Variants in IQCM observed in about 807,000 individuals in gnomAD.
IQCM encodes IQ domain-containing protein M.
A neutral mutation model predicts 57.6 loss-of-function variants in IQCM; 45 were observed. The ratio of observed to expected loss-of-function variants is 0.78; its 90% CI spans 0.62 to 1.00. The LOEUF is 1.00. IQCM is among the 50% of genes least tolerant of loss of function. IQCM has a pLI of 0.00. For synonymous variants in IQCM, 148 were observed against 158.9 expected (o/e 0.93, Z 0.51); for missense variants, 468 against 511.6 (o/e 0.91, Z 0.82).
intron 13 of IQCM, among the ~76,000 whole-genome samples, chr4:149,416,416 G>A (rs1366434761): frequency 1.3e-5 from 2 of 152,108 alleles, no homozygotes; most frequent in Non-Finnish European, 2.9e-5. Flanking sequence ...TATTAGGTGA[G>A]TATTTTCTAT....
intron 2 of IQCM, among the ~76,000 whole-genome samples, chr4:149,760,622 T>G (rs1251421673): frequency 6.6e-6 from 1 of 152,060 alleles, no homozygotes; most frequent in Non-Finnish European, 1.5e-5. Flanking sequence ...TTTTATTTAA[T>G]TTTTATTAAA....
chr4:149,782,340 C>T (rs115137521), intron 2 of IQCM, among the ~76,000 whole-genome samples: 3,398 of 151,906 alleles, frequency 0.022, 65 homozygotes, highest in South Asian at 0.036. Context: ...AAGATTTTTC[C>T]CAAAATATTT....
chr4:149,376,795 A>G (rs574508478), intron 13 of IQCM, among the ~76,000 whole-genome samples: 3 of 152,308 alleles, frequency 2.0e-5, no homozygotes, highest in South Asian at 4.1e-4. Context: ...ATTGAGTCTG[A>G]TATGTACATA....
intron 5 of IQCM, among the ~76,000 whole-genome samples, chr4:149,705,402 A>T (rs566859243): frequency 4.0e-5 from 6 of 151,560 alleles, no homozygotes; most frequent in Admixed American, 4.0e-4. Flanking sequence ...AAAAGAAAAC[A>T]TAAGTCAAAA....
At chr4:149,663,468 G>A (rs1179026177) in intron 7 of IQCM, among the ~76,000 whole-genome samples, 2 of 152,008 alleles carry the variant, frequency 1.3e-5, no homozygotes, top group African/African-American at 4.8e-5. Flanking sequence ...AGCATTTCTT[G>A]TAAGGCTAGG....
intron 13 of IQCM, among the ~76,000 whole-genome samples, chr4:149,408,706 A>G (rs925762708): frequency 6.6e-6 from 1 of 152,192 alleles, no homozygotes; most frequent in African/African-American, 2.4e-5. Flanking sequence ...ATATTAGGTT[A>G]TAAAAGGTAA....
intron 2 of IQCM, among the ~76,000 whole-genome samples, chr4:149,776,325 T>C (rs560914210): frequency 8.2e-4 from 124 of 152,114 alleles, no homozygotes; most frequent in African/African-American, 2.8e-3. Context: ...CACAATACTA[T>C]CCCCACTTTT....
At chr4:149,542,820 T>C (rs1369047408) in intron 12 of IQCM, among the ~76,000 whole-genome samples, 1 of 152,138 alleles carries the variant, frequency 6.6e-6, no homozygotes, top group East Asian at 1.9e-4. Flanking sequence ...CCACATATTT[T>C]ACATAATTAT....
chr4:149,680,717 T>C (rs1420639294), intron 7 of IQCM, among the ~76,000 whole-genome samples: 1 of 151,442 alleles, frequency 6.6e-6, no homozygotes, highest in Non-Finnish European at 1.5e-5. Flanking sequence ...GGTAGAACCT[T>C]TAGCAAATTT....
At chr4:149,464,037 C>A (rs978103785) in intron 12 of IQCM, among the ~76,000 whole-genome samples, 1 of 152,146 alleles carries the variant, frequency 6.6e-6, no homozygotes. Context: ...GAGTAAACAG[C>A]ACATTTCTTT....
chr4:149,383,790 C>G (rs1382031938), intron 13 of IQCM, among the ~76,000 whole-genome samples: 4 of 151,950 alleles, frequency 2.6e-5, no homozygotes, highest in Non-Finnish European at 4.4e-5. Flanking sequence ...CACATCTCCA[C>G]TAAAAATAAA....
intron 8 of IQCM, among the ~76,000 whole-genome samples, chr4:149,593,598 A>T (rs938653561): frequency 1.3e-5 from 2 of 152,138 alleles, no homozygotes; most frequent in Non-Finnish European, 2.9e-5. Context: ...TGGGTTTGTC[A>T]TACATAGCTC....
intron 13 of IQCM, among the ~76,000 whole-genome samples, chr4:149,358,056 A>T (rs1729138989): frequency 6.6e-6 from 1 of 152,108 alleles, no homozygotes; most frequent in African/African-American, 2.4e-5. Context: ...GTATTCTCTG[A>T]TGGTAGTTTG....
chr4:149,554,075 C>T (rs1340166560), intron 10 of IQCM, among the ~76,000 whole-genome samples: 5 of 151,752 alleles, frequency 3.3e-5, no homozygotes, highest in Admixed American at 6.6e-5. Flanking sequence ...CTGTTCTTGA[C>T]TTCTTAAAGG....
At chr4:149,731,485 G>T (rs997996886) in intron 5 of IQCM, among the ~76,000 whole-genome samples, 1 of 152,176 alleles carries the variant, frequency 6.6e-6, no homozygotes, top group Non-Finnish European at 1.5e-5. Context: ...CAGGCATTTT[G>T]TTATAGCAGC....
Position 149,429,522 on chromosome 4 carries a change from A to G in IQCM, c.1390+3874T>C, listed in dbSNP as rs557125348. The stretch of plus-strand genomic sequence containing the variant: ...TGTACCAGGTATTTTTAGAGAATGT[A>G]TGGTCCTAATACTAGGTAATTTGTT... On this transcript the variant is annotated intron_variant, in intron 13 of 13. Coordinates refer to ENST00000636793, the MANE Select transcript of IQCM (RefSeq NM_001363507.2). Among the ~76,000 whole-genome samples the G allele has an allele frequency of 2.6e-5, 4 of 151,994 alleles. No homozygotes were observed. In the South Asian group the frequency reaches 8.3e-4, roughly 31 times the overall value.
At chr4:149,586,822 G>A (rs1231177324) in intron 9 of IQCM, among the ~76,000 whole-genome samples, 1 of 151,506 alleles carries the variant, frequency 6.6e-6, no homozygotes, top group African/African-American at 2.4e-5. Flanking sequence ...TTTAAGTTTT[G>A]AACATTTATA....
At chr4:149,529,657 A>C (rs1746534283) in intron 12 of IQCM, among the ~76,000 whole-genome samples, 1 of 152,144 alleles carries the variant, frequency 6.6e-6, no homozygotes, top group Non-Finnish European at 1.5e-5. Flanking sequence ...AGGATTCCAA[A>C]GGTTATAAAA....
intron 10 of IQCM, among the ~76,000 whole-genome samples, chr4:149,562,681 G>A (rs1289570877): frequency 6.6e-6 from 1 of 152,056 alleles, no homozygotes; most frequent in Non-Finnish European, 1.5e-5. Flanking sequence ...AAAATTACGG[G>A]ATTAAGTATA....
Sources: allele counts gnomAD v4.1 joint callset (sites outside exome capture counted in the v4.1 genomes callset), GRCh38; gene constraint gnomAD v4.1.1; transcripts MANE v1.5; gene names NCBI Gene and HGNC (gene_info 2026-07-23, HGNC 2026-07-21).